AGAP3: variants seen among roughly 807,000 people sequenced by gnomAD.
AGAP3 encodes arf-GAP with GTPase, ANK repeat and PH domain-containing protein 3.
AGAP3 carries 24 observed loss-of-function variants against 96.9 expected under a neutral mutation model. That is an observed-to-expected ratio of 0.25 (90% CI 0.18 to 0.35). The LOEUF (loss-of-function observed/expected upper bound fraction) is 0.35, where lower values mean the gene tolerates loss of function less well. Among genes scored for constraint, AGAP3 ranks in the 10% least tolerant of loss-of-function variants. The pLI is 1.00. For synonymous variants in AGAP3, 563 were observed against 536.1 expected, an observed-to-expected ratio of 1.05 and a Z score of -0.69; for missense variants, 876 against 1,254.2, an observed-to-expected ratio of 0.70 and a Z score of 4.55.
At chr7:151,131,810 A>G (rs1196329091) in intron 10 of AGAP3, among the ~76,000 whole-genome samples, 3 of 152,122 alleles carry the variant, frequency 2.0e-5, no homozygotes, top group African/African-American at 4.8e-5. Context: ...TTTTCCTGCC[A>G]TGTCCCAGCC....
At chr7:151,112,343 A>C (rs1191832365) in intron 1 of AGAP3, 1 of 152,190 alleles carries the variant, frequency 6.6e-6, no homozygotes, top group East Asian at 1.9e-4. Flanking sequence ...ATGTCTTCTG[A>C]GACTGTAAGA....
intron 1 of AGAP3, chr7:151,115,428 G>A (rs1183459244): frequency 2.0e-6 from 2 of 1,010,014 alleles, no homozygotes; most frequent in Non-Finnish European, 2.4e-6. Flanking sequence ...CCGTAGCGAC[G>A]GCGACGCCGG....
intron 10 of AGAP3, among the ~76,000 whole-genome samples, chr7:151,128,988 T>C (rs1273009118): frequency 6.6e-6 from 1 of 152,114 alleles, no homozygotes; most frequent in East Asian, 1.9e-4. Flanking sequence ...CCAGCAGTTG[T>C]GTTGAGCTGG....
intron 1 of AGAP3, among the ~76,000 whole-genome samples, chr7:151,098,585 A>G (rs923203586): frequency 6.6e-6 from 1 of 152,158 alleles, no homozygotes; most frequent in Admixed American, 6.5e-5. Context: ...CCCAGAGTCA[A>G]GGCTGCAGTG....
intron 8 of AGAP3, among the ~76,000 whole-genome samples, chr7:151,121,804 G>T (rs774603887): frequency 6.6e-6 from 1 of 152,152 alleles, no homozygotes; most frequent in African/African-American, 2.4e-5. Context: ...CTCAAGACGC[G>T]TCCGTCTCTG....
At position 151,118,271 on chromosome 7, in the gene AGAP3, A is replaced by G. The variant is rs756740741; in HGVS notation, c.768A>G (p.Thr256=). ...IDDSRARKLS[T]DLKRCTYYET... The stretch of plus-strand genomic sequence containing the variant: ...ACAGCAGAGCCCGCAAGCTCTCCAC[A>G]GATCTGAAGCGGTGCACCTACTATG... Residue 256 remains threonine, a synonymous_variant, in exon 6 of 18, where the codon ACA becomes ACG. Coordinates refer to ENST00000397238, the MANE Select transcript of AGAP3 (RefSeq NM_031946.7). The surrounding 1 kb of genome is among the most constrained non-coding windows in gnomAD (Gnocchi z 6.1). The G allele has an allele frequency of 3.1e-6, 5 of 1,613,636 alleles. No homozygotes were observed. Among genetic ancestry groups the G allele is most frequent in the East Asian group, 2.2e-5 (1 of 44,858 alleles).
Position 151,138,189 on chromosome 7 carries a change from C to T in AGAP3, c.1542C>T (p.Pro514=), listed in dbSNP as rs1295653689. 8.1e-6 allele frequency: 13 copies of T among 1,610,074 alleles called. No homozygotes were observed. The highest frequency in any genetic ancestry group is 1.1e-5 in the South Asian group (1 of 90,382). ...ASSASLHSER[P]LSSSAWAGPR... Reference sequence around the variant, plus strand: ...GCGCATCCCTGCACTCTGAGCGCCCCCTCAGCAGCTCGGCCTGGGCTGGCC... The same window carrying T: ...GCGCATCCCTGCACTCTGAGCGCCCTCTCAGCAGCTCGGCCTGGGCTGGCC... The change falls in exon 12 of 18, where the codon CCC becomes CCT. Residue 514 remains proline (P), a synonymous_variant. Coordinates refer to ENST00000397238, the MANE Select transcript of AGAP3 (RefSeq NM_031946.7).
rs191064426 is a variant in AGAP3, at chr7:151,144,352, C to T, written c.*409C>T. On this transcript the variant is annotated 3_prime_UTR_variant, in exon 18 of 18. Transcript: ENST00000397238. ...GGGTGATCTGTGAGTCCCATGTAAA[C>T]TTTGTACATTGGAATATTTATGTTT... 331 of 229,808 alleles carry T rather than the reference C, an allele frequency of 1.4e-3. No individual in the cohort carries two copies. The highest frequency in any genetic ancestry group is 2.3e-3 in the Non-Finnish European group (274 of 116,780). 14.2% of individuals were successfully genotyped at this position (229,808 alleles called of 1,614,324 possible).
chr7:151,131,382 A>G (rs1359880082), intron 10 of AGAP3: 2 of 152,266 alleles, frequency 1.3e-5, no homozygotes, highest in Non-Finnish European at 2.9e-5. Flanking sequence ...TCCAGTAATA[A>G]AACGAGATGA....
chr7:151,111,251 G>C (rs1372875971), intron 1 of AGAP3, among the ~76,000 whole-genome samples: 2 of 152,194 alleles, frequency 1.3e-5, no homozygotes, highest in African/African-American at 4.8e-5. Context: ...GGGCAAGAAG[G>C]GCCTGACTGT....
chr7:151,126,259 GC>G (rs1800164100), intron 9 of AGAP3, among the ~76,000 whole-genome samples: 1 of 152,316 alleles, frequency 6.6e-6, no homozygotes, highest in African/African-American at 2.4e-5. Flanking sequence ...GAAAGGAGGT[GC>G]GGAGACCCCT....
rs767380053 is a variant in AGAP3 at position 151,117,773 on chromosome 7, G to A, written c.702G>A (p.Thr234=). Residue 234 remains threonine (T), a synonymous_variant, in exon 5 of 18, where the codon ACG becomes ACA. Coordinates refer to ENST00000397238, the MANE Select transcript of AGAP3 (RefSeq NM_031946.7). ...AGGTGCCCATGGTGCTTGTGGGCAC[G>A]CAGGGTGAGGCGGGGCCCTGCAGGA... ...ASEVPMVLVG[T]QDAISAANPR... The A allele has an allele frequency of 2.0e-5, 33 of 1,612,846 alleles. No individual in the cohort carries two copies. The highest frequency in any genetic ancestry group is 1.6e-4 in the Middle Eastern group (1 of 6,070).
In AGAP3 at chr7:151,119,906, G is replaced by C. The variant is rs1248956222; in HGVS notation, c.970-81G>C. On this transcript the variant is annotated intron_variant, in intron 7 of 17. Transcript: ENST00000397238. ...ATGAGCCCCGGCCAGGCCCCCATTA[G>C]CACAGGGATTCCCGGCACCCGCCTG... 2.6e-5 allele frequency: 37 copies of C among 1,441,840 alleles called. No individual in the cohort carries two copies. In the Admixed American group the frequency reaches 2.8e-4, roughly 11 times the overall value. The allele number at this position is 1,441,840 out of a possible 1,614,324, so 89.3% of individuals were successfully genotyped here.
At position 151,116,696 on chromosome 7, in the gene AGAP3, G is replaced by A; in HGVS notation, c.332-97G>A. On this transcript the variant is annotated intron_variant, in intron 1 of 17. Transcript: ENST00000397238. Reference sequence around the variant, plus strand: ...GGAGGAAGCTGCTGTCCTCTGGCCTGGGCTTGGGGAGGGCATCATAGGTGA... The same window carrying A: ...GGAGGAAGCTGCTGTCCTCTGGCCTAGGCTTGGGGAGGGCATCATAGGTGA... The A allele has an allele frequency of 2.1e-6, 3 of 1,407,104 alleles. No individual in the cohort carries two copies. In the East Asian group the frequency reaches 6.9e-5, roughly 32 times the overall value. The allele number at this position is 1,407,104 out of a possible 1,614,324, so 87.2% of individuals were successfully genotyped here. A position where few individuals can be genotyped will look rare whatever the true frequency, so the allele number is the denominator to read the frequency against.
intron 1 of AGAP3, among the ~76,000 whole-genome samples, chr7:151,094,076 G>T (rs1023175988): frequency 4.6e-5 from 7 of 152,154 alleles, no homozygotes; most frequent in African/African-American, 1.4e-4. Context: ...GTGGGGAGAG[G>T]TGAGATTTTC....
intron 5 of AGAP3, 134 bp downstream of exon 5, chr7:151,117,911 ACT>A (rs1799674184): frequency 7.8e-7 from 1 of 1,276,008 alleles, no homozygotes; most frequent in African/African-American, 1.5e-5. Flanking sequence ...GACCCTCAGC[ACT>A]CTCCGTGCTG....
intron 8 of AGAP3, chr7:151,120,555 G>C (rs751516688): frequency 2.6e-6 from 3 of 1,174,806 alleles, no homozygotes; most frequent in Non-Finnish European, 3.4e-6. Context: ...GTTTGCCCAA[G>C]GCGACACAGA....
intron 1 of AGAP3, among the ~76,000 whole-genome samples, chr7:151,109,555 A>G (rs1799197507): frequency 6.6e-6 from 1 of 152,142 alleles, no homozygotes; most frequent in African/African-American, 2.4e-5. Flanking sequence ...CCCTTTTATA[A>G]GGACACGAGT....
intron 1 of AGAP3, among the ~76,000 whole-genome samples, chr7:151,091,803 A>C (rs959028580): frequency 6.6e-6 from 1 of 152,202 alleles, no homozygotes; most frequent in African/African-American, 2.4e-5. Context: ...CCCACAGATG[A>C]AGCAGTCCTT....
Sources: allele counts gnomAD v4.1 joint callset (sites outside exome capture counted in the v4.1 genomes callset), GRCh38; gene constraint gnomAD v4.1.1; non-coding constraint Gnocchi (gnomAD v3.1); transcripts MANE v1.5; gene names NCBI Gene and HGNC (gene_info 2026-07-23, HGNC 2026-07-21).